Variants in GRIA2 observed in about 807,000 individuals in gnomAD.
GRIA2 encodes the protein glutamate receptor 2.
A neutral mutation model predicts 97.3 loss-of-function variants in GRIA2; 14 were observed. That is an observed-to-expected ratio of 0.14 (90% CI 0.10 to 0.23). The LOEUF (loss-of-function observed/expected upper bound fraction) is 0.23. Among genes scored for constraint, GRIA2 ranks in the 10% least tolerant of loss-of-function variants. GRIA2 has a pLI of 1.00. For missense variants in GRIA2, 558 were observed against 1,069.8 expected, an observed-to-expected ratio of 0.52 and a Z score of 6.67; for synonymous variants, 412 against 387.8, an observed-to-expected ratio of 1.06 and a Z score of -0.73.
intron 2 of GRIA2, among the ~76,000 whole-genome samples, chr4:157,280,360 G>A (rs1408267655): frequency 6.6e-6 from 1 of 152,078 alleles, no homozygotes; most frequent in Non-Finnish European, 1.5e-5. Flanking sequence ...TTAGTGCCCA[G>A]TGCAACAATC....
intron 2 of GRIA2, among the ~76,000 whole-genome samples, chr4:157,274,558 C>A (rs1732194494): frequency 6.8e-6 from 1 of 147,924 alleles, no homozygotes; most frequent in African/African-American, 2.5e-5. Flanking sequence ...TGATGTTCCC[C>A]TTCCTGGTTC....
intron 2 of GRIA2, among the ~76,000 whole-genome samples, chr4:157,274,159 T>C (rs1732168225): frequency 6.6e-6 from 1 of 151,928 alleles, no homozygotes; most frequent in Non-Finnish European, 1.5e-5. Flanking sequence ...ATACATATTT[T>C]CCCAGACAAA....
At chr4:157,289,861 T>C (rs1733016520) in intron 2 of GRIA2, among the ~76,000 whole-genome samples, 1 of 151,854 alleles carries the variant, frequency 6.6e-6, no homozygotes, top group Non-Finnish European at 1.5e-5. Flanking sequence ...AGAAAATCTA[T>C]CACTACTCTG....
In GRIA2 at chr4:157,324,222, A is replaced by C. The variant is rs541285860; in HGVS notation, c.882+2623A>C. Among the ~76,000 whole-genome samples, 7 of 152,176 alleles carry C rather than the reference A, an allele frequency of 4.6e-5. 1 individual carries two copies. The highest frequency in any genetic ancestry group is 7.3e-5 in the Non-Finnish European group (5 of 68,036). On this transcript the variant is annotated intron_variant, in intron 6 of 15. Transcript: ENST00000264426. ...TTATAATCCCTCTAACTCCACCCAG[A>C]GGCATATTTTATGAGGTCCCTGAAG...
At chr4:157,270,780 A>G (rs1465706011) in intron 2 of GRIA2, among the ~76,000 whole-genome samples, 1 of 152,058 alleles carries the variant, frequency 6.6e-6, no homozygotes, top group Non-Finnish European at 1.5e-5. Flanking sequence ...CGTTCAGAAG[A>G]GAAGCGAAGC....
chr4:157,252,111 T>C (rs780832211), intron 2 of GRIA2, among the ~76,000 whole-genome samples: 6 of 152,164 alleles, frequency 3.9e-5, no homozygotes, highest in Non-Finnish European at 7.4e-5. Flanking sequence ...TGCTTAAGAA[T>C]GTCTATCATA....
At chr4:157,355,594 ATATATATATT>A (rs1736218916) in intron 12 of GRIA2, among the ~76,000 whole-genome samples, 2 of 138,804 alleles carry the variant, frequency 1.4e-5, no homozygotes, top group Admixed American at 1.6e-4. Context: ...ATATTTATTT[ATATATATATT>A]TATATATATT....
At chr4:157,287,703 AT>A (rs889529987) in intron 2 of GRIA2, among the ~76,000 whole-genome samples, 54 of 146,558 alleles carry the variant, frequency 3.7e-4, no homozygotes, top group Middle Eastern at 3.5e-3. Flanking sequence ...CGAGTAAGAG[AT>A]TTTTTTTTTT....
At chr4:157,256,906 CT>C (rs1016062744) in intron 2 of GRIA2, among the ~76,000 whole-genome samples, 9 of 151,886 alleles carry the variant, frequency 5.9e-5, no homozygotes, top group Admixed American at 2.0e-4. Flanking sequence ...TTGTTAATTG[CT>C]TGATTTATTT....
chr4:157,232,031 G>C (rs1240179084), intron 2 of GRIA2, among the ~76,000 whole-genome samples: 1 of 152,124 alleles, frequency 6.6e-6, no homozygotes. Context: ...ACTAAAATAC[G>C]GAACACAGTG....
intron 2 of GRIA2, among the ~76,000 whole-genome samples, chr4:157,268,651 A>T (rs1412957934): frequency 6.6e-6 from 1 of 151,986 alleles, no homozygotes; most frequent in African/African-American, 2.4e-5. Context: ...ATACTCCAAA[A>T]AATTCCTTTT....
chr4:157,317,684 A>G lies in GRIA2; in HGVS notation c.693A>G (p.Lys231=). ...TTATTACCATTGGAAAACATGTTAA[A>G]GGGTACCACTACATCATTGCAAATC... The part of the protein sequence containing the change: ...DQVITIGKHV[K]GYHYIIANLG... Residue 231 remains lysine (K), a synonymous_variant, in exon 5 of 16, where the codon AAA becomes AAG. Transcript: ENST00000264426. The G allele has an allele frequency of 8.2e-7, 1 of 1,223,174 alleles. No homozygotes were observed. Among genetic ancestry groups the G allele is most frequent in the South Asian group, 1.3e-5 (1 of 79,360 alleles). 75.8% of individuals were successfully genotyped at this position (1,223,174 alleles called of 1,614,324 possible). A position where few individuals can be genotyped will look rare whatever the true frequency, so the allele number is the denominator to read the frequency against.
At chr4:157,312,639 A>G (rs1184661179) in intron 3 of GRIA2, 40 bp from the exon 4 acceptor site, 1 of 1,129,726 alleles carries the variant, frequency 8.9e-7, no homozygotes, top group Admixed American at 2.3e-5. Context: ...TGAGTTATTC[A>G]CGTATCTTTA....
intron 2 of GRIA2, among the ~76,000 whole-genome samples, chr4:157,252,989 T>C (rs1045074027): frequency 6.6e-6 from 1 of 152,096 alleles, no homozygotes; most frequent in Non-Finnish European, 1.5e-5. Context: ...ATAAAAGCAG[T>C]GTTACTCTCC....
At chr4:157,239,422 C>T (rs976532571) in intron 2 of GRIA2, among the ~76,000 whole-genome samples, 1 of 151,874 alleles carries the variant, frequency 6.6e-6, no homozygotes, top group African/African-American at 2.4e-5. Flanking sequence ...TTTAAAATTT[C>T]CACTAACAGA....
In GRIA2 at chr4:157,361,169, A is replaced by T; in HGVS notation, c.2406+45A>T. On this transcript the variant is annotated intron_variant, in intron 14 of 15. Transcript: ENST00000264426. This position sits in a 1 kb window ranked among gnomAD's most constrained non-coding sequence, Gnocchi z 5.2. Reference sequence around the variant, plus strand: ...GTAATGGGTAACTCAATGCAAAACAAAGTAAGCAGCAGCTATGCACAGTGT... The same window carrying T: ...GTAATGGGTAACTCAATGCAAAACATAGTAAGCAGCAGCTATGCACAGTGT... The T allele has an allele frequency of 7.0e-7, 1 of 1,424,222 alleles. No homozygotes were observed. Among genetic ancestry groups the T allele is most frequent in the Non-Finnish European group, 9.9e-7 (1 of 1,008,356 alleles). The allele number at this position is 1,424,222 out of a possible 1,614,324, so 88.2% of individuals were successfully genotyped here. A position where few individuals can be genotyped will look rare whatever the true frequency, so the allele number is the denominator to read the frequency against.
At chr4:157,233,659 C>T (rs1239000498) in intron 2 of GRIA2, among the ~76,000 whole-genome samples, 3 of 151,970 alleles carry the variant, frequency 2.0e-5, no homozygotes, top group South Asian at 2.1e-4. Context: ...TTGTCAGAAA[C>T]GTTCCCAGTA....
chr4:157,329,735 A>G (rs907408746), intron 6 of GRIA2, among the ~76,000 whole-genome samples: 1 of 151,916 alleles, frequency 6.6e-6, no homozygotes, highest in African/African-American at 2.4e-5. Flanking sequence ...ATATTTTACA[A>G]CTCATCAAGC....
chr4:157,336,793 T>C, intron 11 of GRIA2, 46 bp downstream of exon 11: 2 of 1,557,492 alleles, frequency 1.3e-6, no homozygotes, highest in African/African-American at 1.4e-5. Flanking sequence ...AGGTCTCAAG[T>C]GGACATTCAT....
Sources: allele counts gnomAD v4.1 joint callset (sites outside exome capture counted in the v4.1 genomes callset), GRCh38; gene constraint gnomAD v4.1.1; non-coding constraint Gnocchi (gnomAD v3.1); transcripts MANE v1.5; gene names NCBI Gene and HGNC (gene_info 2026-07-23, HGNC 2026-07-21).